Variants in FGF8 observed in about 807,000 individuals in gnomAD.
FGF8 encodes the protein androgen-induced growth factor.
A neutral mutation model predicts 29.7 loss-of-function variants in FGF8; 12 were observed. The ratio of observed to expected loss-of-function variants is 0.40; its 90% CI spans 0.26 to 0.65. The LOEUF (loss-of-function observed/expected upper bound fraction) is 0.65. FGF8 is among the 30% of genes least tolerant of loss of function. The probability of loss-of-function intolerance (pLI) is 0.37; values close to 1 mark genes in which losing one functional copy is unlikely to be tolerated. For synonymous variants in FGF8, 157 were observed against 144.4 expected (o/e 1.09, Z -0.63); for missense variants, 271 against 345.1 (o/e 0.79, Z 1.70).
chr10:101,775,073 G>A lies in FGF8; in HGVS notation c.156+57C>T. 1.3e-6 allele frequency: 2 copies of A among 1,511,832 alleles called. No homozygotes were observed. Among genetic ancestry groups the A allele is most frequent in the Non-Finnish European group, 1.8e-6 (2 of 1,112,868 alleles). 93.7% of individuals were successfully genotyped at this position (1,511,832 alleles called of 1,614,324 possible). On this transcript the variant is annotated intron_variant, in intron 3 of 5. Transcript: ENST00000320185. The surrounding 1 kb of genome is among the most constrained non-coding windows in gnomAD (Gnocchi z 4.6). ...GCCCAGGCCACCATCCCCCACCCAC[G>A]CAAGTCGGGCAGACCCAGCCCAGGA...
chr10:101,775,182 TCCCTGCCCAGCGCAGGGC>T lies in FGF8; in HGVS notation c.86_103del (p.Gly29_Arg34del). The T allele has an allele frequency of 1.3e-6, 2 of 1,548,112 alleles. No individual in the cohort carries two copies. Among genetic ancestry groups the T allele is most frequent in the Non-Finnish European group, 1.7e-6 (2 of 1,146,882 alleles). Reference sequence around the variant, plus strand: ...GCCAGCCCGGAACAGGGAAGCGAGCTCCCTGCCCAGCGCAGGGCCCCTGCCCGGGCCTTCCTAGAGGAG... The same window carrying T: ...GCCAGCCCGGAACAGGGAAGCGAGCTCCCTGCCCGGGCCTTCCTAGAGGAG... On this transcript the variant is annotated inframe_deletion, in exon 3 of 6. Transcript: ENST00000320185. This position sits in a 1 kb window ranked among gnomAD's most constrained non-coding sequence, Gnocchi z 4.6.
chr10:101,775,734 C>T lies in FGF8; in HGVS notation c.69+6G>A. On this transcript the variant is annotated splice_donor_region_variant and intron_variant, in intron 2 of 5. Transcript: ENST00000320185. The surrounding 1 kb of genome is among the most constrained non-coding windows in gnomAD (Gnocchi z 4.6). The stretch of plus-strand genomic sequence containing the variant: ...CCGGCCCCCGCCTCCGCGCACCCCT[C>T]CTCACCTGGGCTTGGAGGCAGAGGA... The T allele has an allele frequency of 3.9e-6, 6 of 1,545,238 alleles. No individual in the cohort carries two copies. Among genetic ancestry groups the T allele is most frequent in the Middle Eastern group, 2.1e-4 (1 of 4,874 alleles).
In FGF8 at chr10:101,775,257, C is replaced by T. The variant is rs1282072571; in HGVS notation, c.70-41G>A. The T allele has an allele frequency of 7.5e-7, 1 of 1,341,866 alleles. No homozygotes were observed. The highest frequency in any genetic ancestry group is 2.0e-5 in the Admixed American group (1 of 50,712). The allele number at this position is 1,341,866 out of a possible 1,614,324, so 83.1% of individuals were successfully genotyped here. A position where few individuals can be genotyped will look rare whatever the true frequency, so the allele number is the denominator to read the frequency against. ...GCTTTTAAGTAGGGAGGCAGCCCTC[C>T]CCGACCCCTGACATTTATAAAGACA... is the stretch of plus-strand genomic sequence containing the variant. On this transcript the variant is annotated intron_variant, in intron 2 of 5. Transcript: ENST00000320185. The surrounding 1 kb of genome is among the most constrained non-coding windows in gnomAD (Gnocchi z 4.6).
chr10:101,774,414 C>T (rs957630772), intron 4 of FGF8, among the ~76,000 whole-genome samples: 6 of 152,188 alleles, frequency 3.9e-5, no homozygotes, highest in African/African-American at 1.4e-4. Context: ...CTCTTTCAAG[C>T]GCTTGCCTTA....
At chr10:101,773,781 G>A (rs2065053894) in intron 4 of FGF8, among the ~76,000 whole-genome samples, 1 of 152,278 alleles carries the variant, frequency 6.6e-6, no homozygotes, top group South Asian at 2.1e-4. Flanking sequence ...AGACGCAGGG[G>A]TCTCTCCAGA....
rs926821066 is a variant in FGF8 at position 101,772,478 on chromosome 10, C to T, written c.338-909G>A. Among the ~76,000 whole-genome samples, 8 of 152,214 alleles carry T rather than the reference C, an allele frequency of 5.3e-5. No homozygotes were observed. The highest frequency in any genetic ancestry group is 1.7e-4 in the African/African-American group (7 of 41,456). Reference sequence around the variant, plus strand: ...CATTCCCCTCCCCTTAGACAGCCAACTTGCCACAGAAGCCTGTCCTGTTCA... The same window carrying T: ...CATTCCCCTCCCCTTAGACAGCCAATTTGCCACAGAAGCCTGTCCTGTTCA... On this transcript the variant is annotated intron_variant, in intron 4 of 5. Transcript: ENST00000320185. This position sits in a 1 kb window ranked among gnomAD's most constrained non-coding sequence, Gnocchi z 4.4.
chr10:101,770,645 C>A, intron 5 of FGF8, 26 bp from the exon 6 acceptor site: 5 of 1,603,590 alleles, frequency 3.1e-6, no homozygotes, highest in Non-Finnish European at 4.2e-6. Context: ...CCAGACACCA[C>A]GTTACAGAGC....
In FGF8 at chr10:101,770,581, A is replaced by T. The variant is rs1218939324; in HGVS notation, c.483T>A (p.Ile161=). The T allele has an allele frequency of 2.5e-6, 4 of 1,612,458 alleles. No homozygotes were observed. The highest frequency in any genetic ancestry group is 3.4e-6 in the Non-Finnish European group (4 of 1,179,968). Residue 161 remains isoleucine (I), a synonymous_variant, in exon 6 of 6, where the codon ATT becomes ATA. Transcript: ENST00000320185. Reference sequence around the variant, plus strand: ...GCGCTGTGTAGTTGTTCTCCAGCACAATCTCCGTGAAGACGCAGTCCTTGC... The same window carrying T: ...GCGCTGTGTAGTTGTTCTCCAGCACTATCTCCGTGAAGACGCAGTCCTTGC... The part of the protein sequence containing the change: ...GKGKDCVFTE[I]VLENNYTALQ...
At chr10:101,777,233 C>T (rs2065106480), upstream of FGF8, among the ~76,000 whole-genome samples, 1 of 152,142 alleles carries the variant, frequency 6.6e-6, no homozygotes, top group Non-Finnish European at 1.5e-5. Context: ...AACCCTGAGC[C>T]CCCATGCTGC....
At chr10:101,779,523 C>A (rs1589816307), upstream of FGF8, among the ~76,000 whole-genome samples, 1 of 152,096 alleles carries the variant, frequency 6.6e-6, no homozygotes, top group South Asian at 2.1e-4. The surrounding 1 kb of genome is among the most constrained non-coding windows in gnomAD (Gnocchi z 5.7). Context: ...GCGCCCCAAC[C>A]GGCCGAGAAA....
chr10:101,777,587 T>A (rs1428995760), upstream of FGF8, among the ~76,000 whole-genome samples: 3 of 152,198 alleles, frequency 2.0e-5, no homozygotes, highest in African/African-American at 7.2e-5. Context: ...CAAGATCTTA[T>A]CCCTCCTCAG....
chr10:101,779,747 A>T (rs551955108), upstream of FGF8, among the ~76,000 whole-genome samples: 3 of 151,934 alleles, frequency 2.0e-5, 1 homozygote, highest in South Asian at 6.2e-4. This position sits in a 1 kb window ranked among gnomAD's most constrained non-coding sequence, Gnocchi z 5.7. Context: ...AGGAGAGAGG[A>T]CTCAGCCAGT....
chr10:101,777,488 C>T (rs1158058081), upstream of FGF8, among the ~76,000 whole-genome samples: 2 of 152,242 alleles, frequency 1.3e-5, no homozygotes, highest in African/African-American at 4.8e-5. Context: ...TGTGTCCCAC[C>T]TTTCCCTGTG....
At chr10:101,773,211 G>C (rs1480947754) in intron 4 of FGF8, among the ~76,000 whole-genome samples, 2 of 152,178 alleles carry the variant, frequency 1.3e-5, no homozygotes, top group Admixed American at 1.3e-4. Flanking sequence ...TGGACATCAG[G>C]CTTCCTCTGA....
intron 4 of FGF8, 34 bp downstream of exon 4, chr10:101,774,698 G>A (rs367751366): frequency 1.9e-6 from 3 of 1,584,298 alleles, no homozygotes; most frequent in South Asian, 1.1e-5. Flanking sequence ...TCCAGGCGCC[G>A]CGCATCCCAC....
chr10:101,770,596 G>T lies in FGF8; in HGVS notation c.468C>A (p.Cys156Ter). The T allele has an allele frequency of 6.2e-7, 1 of 1,611,382 alleles. No individual in the cohort carries two copies. Among genetic ancestry groups the T allele is most frequent in the Non-Finnish European group, 8.5e-7 (1 of 1,179,964 alleles). The change falls in exon 6 of 6, where the codon TGC becomes TGA. Residue 156 changes from cysteine (C) to a stop codon, truncating the protein, a stop_gained. Coordinates refer to ENST00000320185, the MANE Select transcript of FGF8 (RefSeq NM_033163.5). LOFTEE classifies it high-confidence loss of function. ...TCTCCAGCACAATCTCCGTGAAGACGCAGTCCTTGCCTTTGCCGTTGCTCT... is the reference window on the plus strand; with the variant it reads ...TCTCCAGCACAATCTCCGTGAAGACTCAGTCCTTGCCTTTGCCGTTGCTCT... ...IAKSNGKGKD[C>*]VFTEIVLENN...
chr10:101,778,315 C>T (rs1243229744), upstream of FGF8, among the ~76,000 whole-genome samples: 2 of 152,206 alleles, frequency 1.3e-5, no homozygotes, highest in Non-Finnish European at 2.9e-5. Flanking sequence ...GGTGACCCGC[C>T]CATCCAACAG....
At chr10:101,776,355 G>A (rs1403695722), upstream of FGF8, among the ~76,000 whole-genome samples, 39 of 150,756 alleles carry the variant, frequency 2.6e-4, no homozygotes, top group African/African-American at 9.2e-4. Context: ...GGCTAGGGGA[G>A]GGGTCTGGGG....
Position 101,775,284 on chromosome 10 carries a change from AT to A in FGF8, c.70-69del. On this transcript the variant is annotated intron_variant, in intron 2 of 5. Transcript: ENST00000320185. This position sits in a 1 kb window ranked among gnomAD's most constrained non-coding sequence, Gnocchi z 4.6. ...CGACCCCTGACATTTATAAAGACAA[AT>A]TTACGGAGCAAATGTTGAGAGTGCA... The A allele has an allele frequency of 8.8e-7, 1 of 1,130,238 alleles. No homozygotes were observed. The highest frequency in any genetic ancestry group is 1.3e-6 in the Non-Finnish European group (1 of 773,992). The allele number at this position is 1,130,238 out of a possible 1,614,324, so 70.0% of individuals were successfully genotyped here.
Sources: gnomAD v4.1 joint callset for allele counts (sites outside exome capture counted in the v4.1 genomes callset) on GRCh38, gnomAD v4.1.1 for gene constraint, Gnocchi (gnomAD v3.1) non-coding constraint, MANE v1.5 for transcripts, NCBI Gene and HGNC (gene_info 2026-07-23, HGNC 2026-07-21) for gene names.